Variants in HYAL3 observed in about 807,000 individuals in gnomAD.
HYAL3 encodes the protein hyaluronidase-3.
HYAL3 carries 25 observed loss-of-function variants against 29.6 expected under a neutral mutation model. That is an observed-to-expected ratio of 0.85 (90% confidence interval 0.62 to 1.18). The LOEUF (loss-of-function observed/expected upper bound fraction) is 1.18, where lower values mean the gene tolerates loss of function less well. Among genes scored for constraint, HYAL3 ranks in the 50% most tolerant of loss-of-function variants. The pLI is 0.00. For missense variants in HYAL3, 442 were observed against 548.4 expected (o/e 0.81, Z 1.94); for synonymous variants, 215 against 218.3 (o/e 0.99, Z 0.13).
intron 1 of HYAL3, chr3:50,296,321 G>A: frequency 2.2e-6 from 1 of 454,026 alleles, no homozygotes; most frequent in Non-Finnish European, 3.9e-6. Flanking sequence ...GGTGGATCTG[G>A]AGACTTCTGC....
rs941395311 is a variant in HYAL3, at chr3:50,295,558, C to G, written c.45G>C (p.Leu15=). ...GTAGGGGCTGGCCACAACCCAGGCA[C>G]AGGGCCACCCCCAGCACCAGGGCTG... is the stretch of plus-strand genomic sequence containing the variant. The part of the protein sequence containing the change: ...LGPALVLGVA[L]CLGCGQPLPQ... Residue 15 remains leucine, a synonymous_variant, in exon 2 of 4, where the codon CTG becomes CTC. Transcript: ENST00000336307. 1 of 1,575,794 alleles carries G rather than the reference C, an allele frequency of 6.3e-7. No individual in the cohort carries two copies. Among genetic ancestry groups the G allele is most frequent in the Non-Finnish European group, 8.6e-7 (1 of 1,157,994 alleles).
chr3:50,294,130 T>C (rs1320366382), intron 2 of HYAL3, among the ~76,000 whole-genome samples: 1 of 152,074 alleles, frequency 6.6e-6, no homozygotes, highest in Non-Finnish European at 1.5e-5. Flanking sequence ...CAAAACCCCA[T>C]CTCTACAAAA....
chr3:50,295,447 G>A lies in HYAL3; in HGVS notation c.156C>T (p.Leu52=). The A allele has an allele frequency of 6.2e-7, 1 of 1,614,170 alleles. No individual in the cohort carries two copies. Among genetic ancestry groups the A allele is most frequent in the Non-Finnish European group, 8.5e-7 (1 of 1,180,032 alleles). ...CEARFGVHLP[L]NALGIIANRG... Reference sequence around the variant, plus strand: ...GGTTGGCTATGATGCCCAGAGCATTGAGTGGCAGGTGCACACCAAAGCGGG... The same window carrying A: ...GGTTGGCTATGATGCCCAGAGCATTAAGTGGCAGGTGCACACCAAAGCGGG... Residue 52 remains leucine, a synonymous_variant, in exon 2 of 4, where the codon CTC becomes CTT. Coordinates refer to ENST00000336307, the MANE Select transcript of HYAL3 (RefSeq NM_003549.4).
Position 50,299,343 on chromosome 3 carries a change from G to C in HYAL3, c.-148C>G. ...GCGGTGCGGCGGATGTTCTGCAGCC[G>C]TCGCGTCCTGCGGCACGCCACGGCG... On this transcript the variant is annotated 5_prime_UTR_variant, in exon 1 of 4. Coordinates refer to ENST00000336307, the MANE Select transcript of HYAL3 (RefSeq NM_003549.4). 4 of 1,572,232 alleles carry C rather than the reference G, an allele frequency of 2.5e-6. No individual in the cohort carries two copies. Among genetic ancestry groups the C allele is most frequent in the South Asian group, 2.3e-5 (2 of 88,302 alleles).
intron 1 of HYAL3, chr3:50,298,170 G>A (rs1701936922): frequency 2.3e-6 from 2 of 872,712 alleles, no homozygotes; most frequent in Non-Finnish European, 1.4e-6. Flanking sequence ...AAAACTGCCC[G>A]GGAGTCTTCC....
rs782197515 is a variant in HYAL3 at position 50,295,308 on chromosome 3, A to G, written c.295T>C (p.Leu99=). The G allele has an allele frequency of 3.1e-6, 5 of 1,614,180 alleles. No homozygotes were observed. The Admixed American group carries it at 6.7e-5, about 22-fold the overall frequency. ...TAHNGGIPQA[L]PLDRHLALAA... ...AGTGCCAGGTGGCGGTCAAGGGGCA[A>G]AGCCTGGGGGATGCCCCCATTGTGA... The change falls in exon 2 of 4, where the codon TTG becomes CTG. Residue 99 remains leucine, a synonymous_variant. Transcript: ENST00000336307.
chr3:50,295,365 G>A lies in HYAL3; in HGVS notation c.238C>T (p.Leu80Phe), dbSNP rs1553710906. Residue 80 changes from leucine to phenylalanine, a missense_variant, in exon 2 of 4, where the codon CTC becomes TTC. Transcript: ENST00000336307. ...MTIFYKNQLG[L>F]YPYFGPRGTA... ...CCCCTGGGTCCAAAGTAGGGATAGA[G>A]GCCGAGTTGGTTCTTGTAGAAAATG... 4 of 1,614,220 alleles carry A rather than the reference G, an allele frequency of 2.5e-6. No homozygotes were observed. Among genetic ancestry groups the A allele is most frequent in the Non-Finnish European group, 3.4e-6 (4 of 1,180,036 alleles).
At position 50,297,415 on chromosome 3, in the gene HYAL3, C is replaced by A. The variant is rs1360324543; in HGVS notation, c.-17-1796G>T. ...TCCAGGGGCAGCTTTGGCTGGCACG[C>A]AGGATCCAGAGTCAGCTCAGCTGGG... is the stretch of plus-strand genomic sequence containing the variant. On this transcript the variant is annotated intron_variant, in intron 1 of 3. Transcript: ENST00000336307. This position sits in a 1 kb window ranked among gnomAD's most constrained non-coding sequence, Gnocchi z 4.3. 1.9e-6 allele frequency: 3 copies of A among 1,613,252 alleles called. No individual in the cohort carries two copies. The highest frequency in any genetic ancestry group is 2.7e-5 in the African/African-American group (2 of 75,028).
rs1559812005 is a variant in HYAL3 at position 50,297,853 on chromosome 3, G to A, written c.-18+1360C>T. On this transcript the variant is annotated intron_variant, in intron 1 of 3. Coordinates refer to ENST00000336307, the MANE Select transcript of HYAL3 (RefSeq NM_003549.4). The surrounding 1 kb of genome is among the most constrained non-coding windows in gnomAD (Gnocchi z 4.3). ...AAGAGACCCATCCCCTATAGAGCAG[G>A]GCAGATAGATCCAGGTGTCTACCCC... is the stretch of plus-strand genomic sequence containing the variant. 1.9e-6 allele frequency: 2 copies of A among 1,052,122 alleles called. No individual in the cohort carries two copies. The highest frequency in any genetic ancestry group is 2.3e-6 in the Non-Finnish European group (2 of 873,752). The allele number at this position is 1,052,122 out of a possible 1,614,324, so 65.2% of individuals were successfully genotyped here.
At chr3:50,298,117 C>G (rs1297416361) in intron 1 of HYAL3, 13 of 984,504 alleles carry the variant, frequency 1.3e-5, no homozygotes, top group Non-Finnish European at 1.6e-5. Context: ...AAAGCAGACA[C>G]TATACCCCCT....
intron 2 of HYAL3, among the ~76,000 whole-genome samples, chr3:50,294,091 G>T (rs587615276): frequency 2.0e-5 from 3 of 152,324 alleles, no homozygotes; most frequent in Admixed American, 6.5e-5. Flanking sequence ...CTTGAGCCCA[G>T]GAGTTCAATA....
Position 50,297,550 on chromosome 3 carries a change from GC to G in HYAL3, c.-18+1662del. On this transcript the variant is annotated intron_variant, in intron 1 of 3. Coordinates refer to ENST00000336307, the MANE Select transcript of HYAL3 (RefSeq NM_003549.4). This position sits in a 1 kb window ranked among gnomAD's most constrained non-coding sequence, Gnocchi z 4.3. Reference sequence around the variant, plus strand: ...TGCCTATGCACAGGATCCAGGTTCAGCTGAGTCAGGCTGGGAGCCAAGGTCA... The same window carrying G: ...TGCCTATGCACAGGATCCAGGTTCAGTGAGTCAGGCTGGGAGCCAAGGTCA... The G allele has an allele frequency of 6.7e-7, 1 of 1,503,168 alleles. No individual in the cohort carries two copies. Among genetic ancestry groups the G allele is most frequent in the East Asian group, 2.4e-5 (1 of 42,544 alleles). The allele number at this position is 1,503,168 out of a possible 1,614,324, so 93.1% of individuals were successfully genotyped here. A position where few individuals can be genotyped will look rare whatever the true frequency, so the allele number is the denominator to read the frequency against.
chr3:50,296,810 G>A (rs1701865535), intron 1 of HYAL3: 2 of 1,580,872 alleles, frequency 1.3e-6, no homozygotes, highest in Admixed American at 3.6e-5. Context: ...TGGGTGGCCG[G>A]GGAGAGGGGG....
intron 1 of HYAL3, 198 bp downstream of exon 1, chr3:50,299,015 C>A: frequency 6.7e-7 from 1 of 1,490,122 alleles, no homozygotes; most frequent in South Asian, 1.3e-5. Flanking sequence ...GTTTCCCCCT[C>A]CCTCCTAGTG....
chr3:50,297,785 C>T lies in HYAL3; in HGVS notation c.-18+1428G>A. The T allele has an allele frequency of 8.1e-7, 1 of 1,232,324 alleles. No homozygotes were observed. The highest frequency in any genetic ancestry group is 1.0e-6 in the Non-Finnish European group (1 of 985,764). 76.3% of individuals were successfully genotyped at this position (1,232,324 alleles called of 1,614,324 possible). On this transcript the variant is annotated intron_variant, in intron 1 of 3. Transcript: ENST00000336307. The surrounding 1 kb of genome is among the most constrained non-coding windows in gnomAD (Gnocchi z 4.3). ...CATACTGGAACTGGGGAGTGGTGGG[C>T]TGCACTTTGTCCCACACTCACCTGA...
chr3:50,297,794 G>A lies in HYAL3; in HGVS notation c.-18+1419C>T, dbSNP rs1559811958. The A allele has an allele frequency of 1.6e-6, 2 of 1,212,314 alleles. No homozygotes were observed. The highest frequency in any genetic ancestry group is 2.1e-6 in the Non-Finnish European group (2 of 973,372). 75.1% of individuals were successfully genotyped at this position (1,212,314 alleles called of 1,614,324 possible). A position where few individuals can be genotyped will look rare whatever the true frequency, so the allele number is the denominator to read the frequency against. On this transcript the variant is annotated intron_variant, in intron 1 of 3. Coordinates refer to ENST00000336307, the MANE Select transcript of HYAL3 (RefSeq NM_003549.4). The surrounding 1 kb of genome is among the most constrained non-coding windows in gnomAD (Gnocchi z 4.3). ...ACTGGGGAGTGGTGGGCTGCACTTT[G>A]TCCCACACTCACCTGATAGCACAGG...
chr3:50,294,649 C>T (rs949625326), intron 2 of HYAL3, 60 bp downstream of exon 2: 6 of 1,390,928 alleles, frequency 4.3e-6, no homozygotes, highest in Non-Finnish European at 3.8e-6. Flanking sequence ...TCTCCTGGGA[C>T]CTTCCTAGAA....
intron 2 of HYAL3, 114 bp from the exon 3 acceptor site, chr3:50,293,835 G>A (rs1402059321): frequency 3.2e-6 from 3 of 939,260 alleles, no homozygotes; most frequent in South Asian, 1.4e-5. Context: ...TAACTCTACA[G>A]TAGGGACTCT....
rs1382989602 is a variant in HYAL3 at position 50,297,021 on chromosome 3, C to A, written c.-17-1402G>T. 2.6e-6 allele frequency: 4 copies of A among 1,545,076 alleles called. No individual in the cohort carries two copies. Among genetic ancestry groups the A allele is most frequent in the South Asian group, 1.3e-5 (1 of 79,670 alleles). ...GAGGCGGCGGCCAAAGCCACGGCCC[C>A]TCAGGGCCCGGGCCACCACCACTGT... On this transcript the variant is annotated intron_variant, in intron 1 of 3. Transcript: ENST00000336307. The surrounding 1 kb of genome is among the most constrained non-coding windows in gnomAD (Gnocchi z 4.3).
Sources: allele counts gnomAD v4.1 joint callset (sites outside exome capture counted in the v4.1 genomes callset), GRCh38; gene constraint gnomAD v4.1.1; non-coding constraint Gnocchi (gnomAD v3.1); transcripts MANE v1.5; gene names NCBI Gene and HGNC (gene_info 2026-07-23, HGNC 2026-07-21).